The following BEST3 variants were observed in gnomAD, a reference collection of about 807,000 sequenced individuals.
BEST3 encodes the protein bestrophin-3.
BEST3 carries 50 observed loss-of-function variants against 47.1 expected under a neutral mutation model. The ratio of observed to expected loss-of-function variants is 1.06; its 90% confidence interval spans 0.85 to 1.34. The LOEUF (loss-of-function observed/expected upper bound fraction) is 1.34. Ranked by LOEUF, BEST3 falls within the 40% of genes most tolerant of loss-of-function variation. BEST3 has a pLI of 0.00. For synonymous variants in BEST3, 282 were observed against 298.8 expected, an observed-to-expected ratio of 0.94 and a Z score of 0.58; for missense variants, 765 against 817.0, an observed-to-expected ratio of 0.94 and a Z score of 0.78.
intron 8 of BEST3, 58 bp from the exon 9 acceptor site, chr12:69,671,637 A>C (rs1334107323): frequency 1.3e-5 from 20 of 1,558,584 alleles, no homozygotes; most frequent in Non-Finnish European, 1.7e-5. Flanking sequence ...AAAAAGGAGA[A>C]GTTTTTTTGG....
At position 69,654,994 on chromosome 12, in the gene BEST3, A is replaced by G; in HGVS notation, c.1920T>C (p.Ser640=). The G allele has an allele frequency of 6.2e-7, 1 of 1,614,132 alleles. No individual in the cohort carries two copies. Among genetic ancestry groups the G allele is most frequent in the Non-Finnish European group, 8.5e-7 (1 of 1,180,020 alleles). The change falls in exon 10 of 10, where the codon TCT becomes TCC. Residue 640 remains serine, a synonymous_variant. Transcript: ENST00000330891. ...INIVAGSRVS[S]DMLYLMENLD... is the part of the protein sequence containing the mutation. ...GGTTTTCCATTAAATACAGCATATC[A>G]GAAGAGACTCGAGAGCCAGCCACAA...
At chr12:69,676,257 A>C (rs905761800) in intron 7 of BEST3, among the ~76,000 whole-genome samples, 3 of 152,064 alleles carry the variant, frequency 2.0e-5, no homozygotes, top group African/African-American at 7.3e-5. Context: ...GGTTTTGAAA[A>C]TGGGGTACAT....
chr12:69,670,235 A>C (rs1884474589), intron 9 of BEST3: 3 of 515,666 alleles, frequency 5.8e-6, no homozygotes, highest in African/African-American at 1.9e-5. Context: ...TATCCATGGA[A>C]ACTGAGAATA....
At chr12:69,670,253 G>A (rs539675903) in intron 9 of BEST3, 10 of 568,482 alleles carry the variant, frequency 1.8e-5, no homozygotes, top group Non-Finnish European at 2.8e-5. Flanking sequence ...ATACACTGAG[G>A]GCAGGGATGA....
At position 69,699,252 on chromosome 12, in the gene BEST3, T is replaced by A; in HGVS notation, c.-63A>T. On this transcript the variant is annotated 5_prime_UTR_variant, in exon 1 of 10. Transcript: ENST00000330891. Reference sequence around the variant, plus strand: ...CCGACAGGAAAGAGAATCTTCAAATTTCGGGCTCCCCCGAAGAGGTGCCTT... The same window carrying A: ...CCGACAGGAAAGAGAATCTTCAAATATCGGGCTCCCCCGAAGAGGTGCCTT... 1 of 985,454 alleles carries A rather than the reference T, an allele frequency of 1.0e-6. No homozygotes were observed. Among genetic ancestry groups the A allele is most frequent in the African/African-American group, 1.7e-5 (1 of 57,364 alleles). The allele number at this position is 985,454 out of a possible 1,614,324, so 61.0% of individuals were successfully genotyped here.
In BEST3 at chr12:69,654,660, T is replaced by G. The variant is rs1883344771; in HGVS notation, c.*247A>C. The G allele has an allele frequency of 1.6e-6, 2 of 1,239,908 alleles. No individual in the cohort carries two copies. Among genetic ancestry groups the G allele is most frequent in the Middle Eastern group, 3.2e-4 (1 of 3,132 alleles). 76.8% of individuals were successfully genotyped at this position (1,239,908 alleles called of 1,614,324 possible). A position where few individuals can be genotyped will look rare whatever the true frequency, so the allele number is the denominator to read the frequency against. Reference sequence around the variant, plus strand: ...TTTTTTTGGTTAAGACTTATTTGGCTAAATCACTGTGGTCTGTGTAACTTC... The same window carrying G: ...TTTTTTTGGTTAAGACTTATTTGGCGAAATCACTGTGGTCTGTGTAACTTC... On this transcript the variant is annotated 3_prime_UTR_variant, in exon 10 of 10. Transcript: ENST00000330891.
At chr12:69,653,413 T>C (rs1477235022), downstream of BEST3, among the ~76,000 whole-genome samples, 1 of 152,194 alleles carries the variant, frequency 6.6e-6, no homozygotes, top group African/African-American at 2.4e-5. Flanking sequence ...GAAAGCATAG[T>C]GGTTAACAGT....
At chr12:69,678,677 A>G (rs1371600131) in intron 5 of BEST3, 62 bp downstream of exon 5, 2 of 1,506,916 alleles carry the variant, frequency 1.3e-6, no homozygotes, top group Non-Finnish European at 1.8e-6. Context: ...CTAACGTGTT[A>G]TATCCAGGTC....
chr12:69,692,298 G>A (rs1266804394), intron 4 of BEST3, among the ~76,000 whole-genome samples: 2 of 152,188 alleles, frequency 1.3e-5, no homozygotes, highest in Non-Finnish European at 2.9e-5. Flanking sequence ...TGTGAGACTG[G>A]ACTCAATGTG....
chr12:69,663,528 T>C (rs1167846838), intron 9 of BEST3, among the ~76,000 whole-genome samples: 1 of 152,202 alleles, frequency 6.6e-6, no homozygotes, highest in Non-Finnish European at 1.5e-5. Flanking sequence ...AAAGATGCCT[T>C]AATTAAAACG....
intron 1 of BEST3, 51 bp downstream of exon 1, chr12:69,699,154 C>T (rs1331375381): frequency 4.3e-6 from 4 of 935,462 alleles, no homozygotes; most frequent in African/African-American, 3.5e-5. Flanking sequence ...ATGAAAATCA[C>T]AGCAAGTAGA....
Position 69,671,427 on chromosome 12 carries a change from C to A in BEST3, c.1100+1G>T. 3 of 1,610,394 alleles carry A rather than the reference C, an allele frequency of 1.9e-6. No individual in the cohort carries two copies. Among genetic ancestry groups the A allele is most frequent in the Middle Eastern group, 1.7e-4 (1 of 6,048 alleles). On this transcript the variant is annotated splice_donor_variant, in intron 9 of 9. Transcript: ENST00000330891. LOFTEE classifies it high-confidence loss of function. Reference sequence around the variant, plus strand: ...TAGAGATTTTTTAAAAATGCACTTACCCCATCTGGACTGTTGACCCCAGAA... The same window carrying A: ...TAGAGATTTTTTAAAAATGCACTTAACCCATCTGGACTGTTGACCCCAGAA...
intron 9 of BEST3, among the ~76,000 whole-genome samples, chr12:69,659,154 C>T (rs988911330): frequency 4.6e-5 from 7 of 152,100 alleles, no homozygotes; most frequent in Non-Finnish European, 1.0e-4. Flanking sequence ...GAATGATGCC[C>T]TCCAGGTCTT....
At chr12:69,681,503 T>G (rs1387418275) in intron 4 of BEST3, among the ~76,000 whole-genome samples, 5 of 152,140 alleles carry the variant, frequency 3.3e-5, no homozygotes, top group Non-Finnish European at 7.4e-5. Flanking sequence ...CAAATTTTAT[T>G]TAAGAGGTAG....
At chr12:69,678,708 G>A (rs374882086) in intron 5 of BEST3, 31 bp downstream of exon 5, 290 of 1,603,938 alleles carry the variant, frequency 1.8e-4, no homozygotes, top group Non-Finnish European at 2.1e-4. Context: ...TCTAATTAGC[G>A]TATTTTTCTT....
chr12:69,671,387 C>T, intron 9 of BEST3, 41 bp downstream of exon 9: 5 of 1,548,090 alleles, frequency 3.2e-6, no homozygotes, highest in South Asian at 2.4e-5. Flanking sequence ...CTATGTTGCT[C>T]AGGCTGGAAA....
chr12:69,694,302 C>T (rs1264176301), intron 3 of BEST3, 68 bp downstream of exon 3: 4 of 941,498 alleles, frequency 4.2e-6, no homozygotes, highest in Non-Finnish European at 6.4e-6. Flanking sequence ...CACTCCCATG[C>T]AGAGTCATCG....
chr12:69,657,157 G>A (rs1883553417), intron 9 of BEST3, among the ~76,000 whole-genome samples: 1 of 152,126 alleles, frequency 6.6e-6, no homozygotes, highest in African/African-American at 2.4e-5. Flanking sequence ...GTGTAGTGGT[G>A]TGATCTCGGC....
intron 1 of BEST3, among the ~76,000 whole-genome samples, chr12:69,698,825 G>A (rs1015328740): frequency 7.9e-5 from 12 of 152,150 alleles, no homozygotes; most frequent in Non-Finnish European, 8.8e-5. Context: ...CTGGAGCTAC[G>A]TTTACAGCAT....
Sources: allele counts gnomAD v4.1 joint callset (sites outside exome capture counted in the v4.1 genomes callset), GRCh38; gene constraint gnomAD v4.1.1; transcripts MANE v1.5; gene names NCBI Gene and HGNC (gene_info 2026-07-23, HGNC 2026-07-21).